Variants in ITPR3 observed in about 807,000 individuals in gnomAD.
The protein encoded by ITPR3 is inositol 1,4,5-trisphosphate-gated calcium channel ITPR3.
ITPR3 carries 173 observed loss-of-function variants against 293.2 expected under a neutral mutation model. The observed-to-expected ratio is 0.59, with a 90% CI of 0.52 to 0.67. The LOEUF (loss-of-function observed/expected upper bound fraction) is 0.67. ITPR3 is among the 30% of genes least tolerant of loss of function. ITPR3 has a pLI of 0.00. For synonymous variants in ITPR3, 1,295 were observed against 1,444.4 expected (o/e 0.90, Z 2.35); for missense variants, 2,796 against 3,592.1 (o/e 0.78, Z 5.66).
At chr6:33,676,973 A>C in intron 26 of ITPR3, 41 bp downstream of exon 26, 1 of 1,613,980 alleles carries the variant, frequency 6.2e-7, no homozygotes, top group African/African-American at 1.3e-5. Context: ...CCTCCCTGTG[A>C]GGGCTGGGCC....
rs150420581 is a variant in ITPR3 at position 33,623,321 on chromosome 6, G to GTTTTTT, written c.89+1634_89+1635insTTTTTT. On this transcript the variant is annotated intron_variant, in intron 1 of 57. Coordinates refer to ENST00000605930, the MANE Select transcript of ITPR3 (RefSeq NM_002224.4). ...CATGATGATTTTCAAGTGCCTGTGA[G>GTTTTTT]TTTTGTTTTTTTTTTTTTTTTTTAA... is the stretch of plus-strand genomic sequence containing the variant. 1.0e-4 allele frequency among the ~76,000 whole-genome samples: 12 copies of GTTTTTT among 118,278 alleles called. 3 individuals are homozygous for GTTTTTT. Among genetic ancestry groups the GTTTTTT allele is most frequent in the African/African-American group, 9.6e-5 (3 of 31,208 alleles). The allele number at this position is 118,278 out of a possible 152,430, so 77.6% of individuals were successfully genotyped here. A position where few individuals can be genotyped will look rare whatever the true frequency, so the allele number is the denominator to read the frequency against.
intron 33 of ITPR3, among the ~76,000 whole-genome samples, chr6:33,681,531 G>A (rs550628835): frequency 7.9e-5 from 12 of 152,266 alleles, no homozygotes; most frequent in African/African-American, 2.9e-4. Flanking sequence ...TCCCAGACTC[G>A]AGCCAGTGCT....
At position 33,669,105 on chromosome 6, in the gene ITPR3, A is replaced by T. The variant is rs1355114188; in HGVS notation, c.2138A>T (p.Gln713Leu). Reference protein sequence around the residue: ...HHEKSVRQLAQEARAGNAHDE... With the variant: ...HHEKSVRQLALEARAGNAHDE... ...GAGAAGAGTGTGAGGCAGCTGGCCC[A>T]GGAGGCGCGGGCCGGCAACGCCCAC... Residue 713 changes from glutamine (Q) to leucine (L), a missense_variant, in exon 18 of 58, where the codon CAG becomes CTG. Physicochemically the swap from Gln to Leu is moderately radical, Grantham distance 113. Around this residue, in one of 8 missense-constraint regions of ITPR3, gnomAD observed 955 missense variants for 1,180.8 expected, o/e 0.81. Coordinates refer to ENST00000605930, the MANE Select transcript of ITPR3 (RefSeq NM_002224.4). 4.0e-5 allele frequency: 65 copies of T among 1,614,050 alleles called. No homozygotes were observed. The highest frequency in any genetic ancestry group is 5.3e-5 in the Non-Finnish European group (63 of 1,180,028).
Position 33,675,837 on chromosome 6 carries a change from C to T in ITPR3, c.3263C>T (p.Ala1088Val), listed in dbSNP as rs745929036. The change falls in exon 25 of 58, where the codon GCC (alanine) becomes GTC (valine). Residue 1088 changes from alanine (A) to valine (V), a missense_variant. Physicochemically the swap from Ala to Val is moderately conservative, Grantham distance 64. Coordinates refer to ENST00000605930, the MANE Select transcript of ITPR3 (RefSeq NM_002224.4). This position sits in a 1 kb window ranked among gnomAD's most constrained non-coding sequence, Gnocchi z 5.0. ...AAGCACTTCAGCCAGCGCCAGGAGG[C>T]CATGCACACCTTCAAGCAGGTGACG... ...LFKHFSQRQEAMHTFKQVQLL... is the reference protein window; with the variant it reads ...LFKHFSQRQEVMHTFKQVQLL... The T allele has an allele frequency of 2.3e-5, 36 of 1,574,074 alleles. No homozygotes were observed. Among genetic ancestry groups the T allele is most frequent in the Non-Finnish European group, 2.8e-5 (33 of 1,159,966 alleles).
intron 30 of ITPR3, 50 bp downstream of exon 30, chr6:33,678,889 A>C (rs1764991359): frequency 6.4e-7 from 1 of 1,559,442 alleles, no homozygotes; most frequent in Admixed American, 1.8e-5. Flanking sequence ...GGGGGACCGG[A>C]GCAGAGGCTT....
chr6:33,687,096 C>T lies in ITPR3; in HGVS notation c.6067C>T (p.Gln2023Ter), dbSNP rs1195126357. 4.3e-6 allele frequency: 7 copies of T among 1,613,976 alleles called. No homozygotes were observed. In the Admixed American group the frequency reaches 5.0e-5, roughly 12 times the overall value. ...AERILISLRPQELVDVIKKAY... is the reference protein window; with the variant it reads ...AERILISLRP The stretch of plus-strand genomic sequence containing the variant: ...GCGAATCCTCATCAGCCTGCGGCCC[C>T]AGGAGCTGGTGAGGCTGGGCAGGTG... Residue 2023 changes from glutamine to a stop codon, truncating the protein, a stop_gained, in exon 44 of 58, where the codon CAG becomes TAG. Coordinates refer to ENST00000605930, the MANE Select transcript of ITPR3 (RefSeq NM_002224.4). LOFTEE classifies it high-confidence loss of function. This position sits in a 1 kb window ranked among gnomAD's most constrained non-coding sequence, Gnocchi z 5.3.
rs896365553 is a variant in ITPR3 at position 33,638,075 on chromosome 6, G to A, written c.90-2409G>A. Among the ~76,000 whole-genome samples, 1 of 151,438 alleles carries A rather than the reference G, an allele frequency of 6.6e-6. No homozygotes were observed. The highest frequency in any genetic ancestry group is 2.4e-5 in the African/African-American group (1 of 41,160). ...GGCTGAAGTGCAGTGGCGTGATCTC[G>A]GCTCACCACAACCTCTGCCTCCTGG... On this transcript the variant is annotated intron_variant, in intron 1 of 57. Coordinates refer to ENST00000605930, the MANE Select transcript of ITPR3 (RefSeq NM_002224.4). The surrounding 1 kb of genome is among the most constrained non-coding windows in gnomAD (Gnocchi z 4.3).
rs201110323 is a variant in ITPR3 at position 33,689,358 on chromosome 6, C to T, written c.6815C>T (p.Ser2272Phe). ...RPLIVALILR[S>F]IYYLGIGPTL... ...CTCATCGTGGCGCTCATCCTGCGCT[C>T]CATCTACTATCTGGGCATCGGGCCC... Residue 2272 changes from serine (S) to phenylalanine (F), a missense_variant, in exon 50 of 58, where the codon TCC becomes TTC. By Grantham distance (155) the Ser-to-Phe change is radical (BLOSUM62 -2). Transcript: ENST00000605930. 6.2e-7 allele frequency: 1 copy of T among 1,612,378 alleles called. No homozygotes were observed. The highest frequency in any genetic ancestry group is 8.5e-7 in the Non-Finnish European group (1 of 1,180,030).
rs373183060 is a variant in ITPR3, at chr6:33,658,871, G to A, written c.528+43G>A. On this transcript the variant is annotated intron_variant, in intron 5 of 57. Coordinates refer to ENST00000605930, the MANE Select transcript of ITPR3 (RefSeq NM_002224.4). This position sits in a 1 kb window ranked among gnomAD's most constrained non-coding sequence, Gnocchi z 6.1. ...GTTGGAGGGGCCTGGTGGAACTCCC[G>A]AGGGGCTTCTGTAGGGTCTTCGGTG... 11 of 1,611,110 alleles carry A rather than the reference G, an allele frequency of 6.8e-6. No individual in the cohort carries two copies. The highest frequency in any genetic ancestry group is 5.5e-5 in the South Asian group (5 of 90,838).
In ITPR3 at chr6:33,667,407, C is replaced by A; in HGVS notation, c.1713+117C>A. ...TTTTGGGGCCTAGGGTCCAGTAGGGCACCAGACAGCAGGGCCGGGTTCATG... is the reference window on the plus strand; with the variant it reads ...TTTTGGGGCCTAGGGTCCAGTAGGGAACCAGACAGCAGGGCCGGGTTCATG... On this transcript the variant is annotated intron_variant, in intron 15 of 57. Coordinates refer to ENST00000605930, the MANE Select transcript of ITPR3 (RefSeq NM_002224.4). This position sits in a 1 kb window ranked among gnomAD's most constrained non-coding sequence, Gnocchi z 4.4. The A allele has an allele frequency of 1.5e-6, 2 of 1,328,550 alleles. No homozygotes were observed. The highest frequency in any genetic ancestry group is 2.0e-6 in the Non-Finnish European group (2 of 987,428). The allele number at this position is 1,328,550 out of a possible 1,614,324, so 82.3% of individuals were successfully genotyped here.
At position 33,675,976 on chromosome 6, in the gene ITPR3, T is replaced by G; in HGVS notation, c.3282+120T>G. The G allele has an allele frequency of 8.1e-7, 1 of 1,236,442 alleles. No homozygotes were observed. Among genetic ancestry groups the G allele is most frequent in the Non-Finnish European group, 1.1e-6 (1 of 918,314 alleles). 76.6% of individuals were successfully genotyped at this position (1,236,442 alleles called of 1,614,324 possible). A position where few individuals can be genotyped will look rare whatever the true frequency, so the allele number is the denominator to read the frequency against. On this transcript the variant is annotated intron_variant, in intron 25 of 57. Transcript: ENST00000605930. The surrounding 1 kb of genome is among the most constrained non-coding windows in gnomAD (Gnocchi z 5.0). ...GTAACTTGGGATGCCCATTTGGGGT[T>G]TTCAGCCTTGCTGAGTTCCTAGGTG... is the stretch of plus-strand genomic sequence containing the variant.
chr6:33,676,293 G>C (rs1764904750), intron 25 of ITPR3, among the ~76,000 whole-genome samples: 2 of 152,244 alleles, frequency 1.3e-5, no homozygotes. Context: ...TCTCACAGCA[G>C]CCCTGACAGT....
rs1458502467 is a variant in ITPR3, at chr6:33,624,469, T to C, written c.89+2778T>C. On this transcript the variant is annotated intron_variant, in intron 1 of 57. Transcript: ENST00000605930. The surrounding 1 kb of genome is among the most constrained non-coding windows in gnomAD (Gnocchi z 4.7). Reference sequence around the variant, plus strand: ...CAGAAATGCAGAATCTCAGACCCCGTGCCCGTCCTACTGAATGAGAATCTG... The same window carrying C: ...CAGAAATGCAGAATCTCAGACCCCGCGCCCGTCCTACTGAATGAGAATCTG... Among the ~76,000 whole-genome samples, 1 of 152,256 alleles carries C rather than the reference T, an allele frequency of 6.6e-6. No homozygotes were observed.
chr6:33,651,160 C>T (rs986499460), intron 2 of ITPR3, among the ~76,000 whole-genome samples: 11 of 151,930 alleles, frequency 7.2e-5, no homozygotes, highest in Non-Finnish European at 1.3e-4. Context: ...GCCTGTAATC[C>T]CAGCTACTCA....
At position 33,663,505 on chromosome 6, in the gene ITPR3, C is replaced by T; in HGVS notation, c.960C>T (p.Asn320=). ...CATCTTGTATCTCTGTCCAGGAGAACCCCAGTTACAAAGGTGATGCCTCAG... is the reference window on the plus strand; with the variant it reads ...CATCTTGTATCTCTGTCCAGGAGAATCCCAGTTACAAAGGTGATGCCTCAG... ...ATGNYLAAEE[N]PSYKGDASDP... Residue 320 remains asparagine (N), a synonymous_variant, in exon 10 of 58, where the codon AAC becomes AAT. Transcript: ENST00000605930. 6.2e-7 allele frequency: 1 copy of T among 1,605,424 alleles called. No homozygotes were observed. The highest frequency in any genetic ancestry group is 1.7e-4 in the Middle Eastern group (1 of 6,048).
At chr6:33,674,032 G>A (rs1764839816) in intron 23 of ITPR3, among the ~76,000 whole-genome samples, 176 bp from the exon 24 acceptor site, 1 of 152,130 alleles carries the variant, frequency 6.6e-6, no homozygotes, top group Admixed American at 6.5e-5. Flanking sequence ...GTACTGCCCT[G>A]CAGGGGAGTA....
rs767222519 is a variant in ITPR3 at position 33,684,045 on chromosome 6, G to A, written c.4814G>A (p.Arg1605Gln). The stretch of plus-strand genomic sequence containing the variant: ...GACATCATCACAGCCCTGGAGGAGC[G>A]GCTGAAGCCCCTGGTACAGGCTGAG... Reference protein sequence around the residue: ...LQDIITALEERLKPLVQAELS... With the variant: ...LQDIITALEEQLKPLVQAELS... The change falls in exon 36 of 58, where the codon CGG (arginine) becomes CAG (glutamine). Residue 1605 changes from arginine (R) to glutamine (Q), a missense_variant. Coordinates refer to ENST00000605930, the MANE Select transcript of ITPR3 (RefSeq NM_002224.4). The surrounding 1 kb of genome is among the most constrained non-coding windows in gnomAD (Gnocchi z 4.2). 29 of 1,610,586 alleles carry A rather than the reference G, an allele frequency of 1.8e-5. 1 individual carries two copies. Among genetic ancestry groups the A allele is most frequent in the South Asian group, 4.4e-5 (4 of 90,974 alleles).
In ITPR3 at chr6:33,667,080, G is replaced by A. The variant is rs763200889; in HGVS notation, c.1552-49G>A. The A allele has an allele frequency of 1.9e-6, 3 of 1,595,030 alleles. No homozygotes were observed. Among genetic ancestry groups the A allele is most frequent in the Admixed American group, 1.7e-5 (1 of 58,778 alleles). ...GGATGACTCCTGGGATGACTTAGGGGTACAGACAGGTGTTGGGGAATCAGT... is the reference window on the plus strand; with the variant it reads ...GGATGACTCCTGGGATGACTTAGGGATACAGACAGGTGTTGGGGAATCAGT... On this transcript the variant is annotated intron_variant, in intron 14 of 57. Coordinates refer to ENST00000605930, the MANE Select transcript of ITPR3 (RefSeq NM_002224.4). The surrounding 1 kb of genome is among the most constrained non-coding windows in gnomAD (Gnocchi z 4.4).
intron 2 of ITPR3, among the ~76,000 whole-genome samples, chr6:33,648,792 A>C (rs930931705): frequency 6.6e-6 from 1 of 152,070 alleles, no homozygotes; most frequent in Non-Finnish European, 1.5e-5. Flanking sequence ...TGGGGGTCTC[A>C]CCAAGTTGCC....
Sources: gnomAD v4.1 joint callset for allele counts (sites outside exome capture counted in the v4.1 genomes callset) on GRCh38, gnomAD v4.1.1 for gene constraint, gnomAD v4.1.1 regional missense constraint, Gnocchi (gnomAD v3.1) non-coding constraint, MANE v1.5 for transcripts, NCBI Gene and HGNC (gene_info 2026-07-23, HGNC 2026-07-21) for gene names.